AFF3: variants seen among roughly 807,000 people sequenced by gnomAD.
The protein encoded by AFF3 is AF4/FMR2 family member 3.
Under a neutral mutation model 129.7 loss-of-function variants are expected in AFF3, and 32 were observed. The ratio of observed to expected loss-of-function variants is 0.25; its 90% CI spans 0.19 to 0.33. The LOEUF (loss-of-function observed/expected upper bound fraction) is 0.33. AFF3 is among the 10% of genes least tolerant of loss of function. The pLI is 1.00. For missense variants in AFF3, 1,373 were observed against 1,592.0 expected, an observed-to-expected ratio of 0.86 and a Z score of 2.34; for synonymous variants, 644 against 635.4, an observed-to-expected ratio of 1.01 and a Z score of -0.20.
intron 4 of AFF3, among the ~76,000 whole-genome samples, chr2:100,017,128 T>G (rs944118768): frequency 6.6e-6 from 1 of 151,826 alleles, no homozygotes; most frequent in Non-Finnish European, 1.5e-5. Flanking sequence ...TGTTGAGGAG[T>G]GAGAAACAGT....
chr2:99,563,682 T>C (rs1431093689), intron 20 of AFF3, among the ~76,000 whole-genome samples: 2 of 151,304 alleles, frequency 1.3e-5, no homozygotes, highest in Admixed American at 6.6e-5. Flanking sequence ...TGGTGGTGCA[T>C]GCCTGTAATC....
At chr2:99,553,017 C>T (rs149502011) in intron 24 of AFF3, among the ~76,000 whole-genome samples, 3 of 152,310 alleles carry the variant, frequency 2.0e-5, no homozygotes, top group African/African-American at 7.2e-5. Flanking sequence ...TCTGCAACCA[C>T]TGCCCGCCTT....
chr2:99,861,087 A>C (rs1690958605), intron 7 of AFF3, among the ~76,000 whole-genome samples: 2 of 152,188 alleles, frequency 1.3e-5, no homozygotes, highest in Non-Finnish European at 1.5e-5. Context: ...AGGGCTTCAG[A>C]TGGAAGTGAC....
chr2:100,119,111 G>A (rs1691848489), intron 2 of AFF3, among the ~76,000 whole-genome samples: 1 of 152,106 alleles, frequency 6.6e-6, no homozygotes, highest in African/African-American at 2.4e-5. Flanking sequence ...CCTAATTCTG[G>A]ATTTGTATAC....
chr2:99,637,843 T>A (rs1039613501), intron 13 of AFF3, among the ~76,000 whole-genome samples: 1 of 152,230 alleles, frequency 6.6e-6, no homozygotes, highest in Non-Finnish European at 1.5e-5. Flanking sequence ...AATTTAAATA[T>A]AAGTTAAATG....
In AFF3 at chr2:99,882,387, G is replaced by A. The variant is rs1692792640; in HGVS notation, c.874-44863C>T. Among the ~76,000 whole-genome samples, 3 of 152,296 alleles carry A rather than the reference G, an allele frequency of 2.0e-5. No homozygotes were observed. In the South Asian group the frequency reaches 6.2e-4, roughly 32 times the overall value. On this transcript the variant is annotated intron_variant, in intron 7 of 24. Coordinates refer to ENST00000672756, the MANE Select transcript of AFF3 (RefSeq NM_001386135.1). ...CAAATGTTGCAGAAATATCCCAGAG[G>A]GAGGGTAGAAACTATCCAGCTGTGA...
chr2:99,907,102 ACAAG>A (rs1037117488), intron 7 of AFF3, among the ~76,000 whole-genome samples: 28 of 152,128 alleles, frequency 1.8e-4, no homozygotes, highest in African/African-American at 6.5e-4. Context: ...CCCCTTAATG[ACAAG>A]CAATTTAATT....
At chr2:100,089,147 T>A (rs1051118724) in intron 4 of AFF3, among the ~76,000 whole-genome samples, 10 of 152,184 alleles carry the variant, frequency 6.6e-5, no homozygotes, top group African/African-American at 2.4e-4. Context: ...ACAGCCTCTA[T>A]CTCAGGGCCA....
chr2:99,557,184 T>A (rs190117669), intron 22 of AFF3, among the ~76,000 whole-genome samples: 1 of 152,162 alleles, frequency 6.6e-6, no homozygotes, highest in South Asian at 2.1e-4. Context: ...CAATTTGTTG[T>A]TGATTAATTA....
At chr2:100,003,738 G>T (rs1573075659) in intron 7 of AFF3, among the ~76,000 whole-genome samples, 2 of 152,164 alleles carry the variant, frequency 1.3e-5, no homozygotes, top group East Asian at 3.9e-4. Context: ...AAAGAATGAA[G>T]AGTTTATGAA....
intron 8 of AFF3, among the ~76,000 whole-genome samples, chr2:99,822,790 C>T (rs1336674235): frequency 6.6e-6 from 1 of 152,132 alleles, no homozygotes; most frequent in Non-Finnish European, 1.5e-5. Flanking sequence ...GGTAACTAGC[C>T]AACCTCCAAA....
chr2:99,760,811 T>C (rs1682512365), intron 8 of AFF3, among the ~76,000 whole-genome samples: 1 of 152,232 alleles, frequency 6.6e-6, no homozygotes, highest in African/African-American at 2.4e-5. Flanking sequence ...CTTTGCTTTG[T>C]CTGCCTTCTC....
At chr2:99,650,748 T>C (rs62154536) in intron 12 of AFF3, among the ~76,000 whole-genome samples, 5,286 of 152,036 alleles carry the variant, frequency 0.035, 111 homozygotes, top group Non-Finnish European at 0.043. Context: ...TCATTTTGTA[T>C]TGAAAATGTA....
intron 13 of AFF3, among the ~76,000 whole-genome samples, chr2:99,604,234 G>A (rs1314571273): frequency 2.6e-5 from 4 of 152,052 alleles, no homozygotes; most frequent in Admixed American, 2.0e-4. Flanking sequence ...AATGCCCATC[G>A]ATGACAGACT....
intron 8 of AFF3, among the ~76,000 whole-genome samples, chr2:99,791,790 A>G (rs1332167603): frequency 1.3e-5 from 2 of 148,344 alleles, no homozygotes; most frequent in Non-Finnish European, 3.0e-5. Flanking sequence ...TTTTTGTGGT[A>G]TATTTAGTGC....
intron 19 of AFF3, 117 bp downstream of exon 19, chr2:99,568,735 C>A: frequency 2.0e-6 from 2 of 1,003,968 alleles, no homozygotes; most frequent in Admixed American, 1.8e-5. Flanking sequence ...CTCCATTGAA[C>A]AGACCCGGCC....
chr2:99,693,812 C>T (rs894757882), intron 11 of AFF3, among the ~76,000 whole-genome samples: 1 of 152,150 alleles, frequency 6.6e-6, no homozygotes, highest in African/African-American at 2.4e-5. Flanking sequence ...AAGAAAAACA[C>T]CCCAAACACT....
At position 100,107,703 on chromosome 2, in the gene AFF3, C is replaced by T. The variant is rs13400704; in HGVS notation, c.-144-2120G>A. Among the ~76,000 whole-genome samples the T allele has an allele frequency of 6.6e-3, 1,010 of 152,186 alleles. 7 individuals are homozygous for T. Among genetic ancestry groups the T allele is most frequent in the African/African-American group, 0.023 (966 of 41,526 alleles). ...GGTCAGGTTGGTTGGTTGGTGTAGA[C>T]TAAATGTACCAAAGAAAGGGACTAA... On this transcript the variant is annotated intron_variant, in intron 2 of 24. Transcript: ENST00000672756.
intron 8 of AFF3, among the ~76,000 whole-genome samples, chr2:99,810,893 C>T (rs114209983): frequency 2.6e-5 from 4 of 152,258 alleles, no homozygotes; most frequent in East Asian, 1.9e-4. Context: ...TCAAAGCCAG[C>T]GACACTGGAC....
Sources: gnomAD v4.1 joint callset for allele counts (sites outside exome capture counted in the v4.1 genomes callset) on GRCh38, gnomAD v4.1.1 for gene constraint, MANE v1.5 for transcripts, NCBI Gene and HGNC (gene_info 2026-07-23, HGNC 2026-07-21) for gene names.